Variants in CCSER1 observed in about 807,000 individuals in gnomAD.
CCSER1 encodes the protein serine-rich coiled-coil domain-containing protein 1.
In CCSER1, 41 loss-of-function variants were observed where a neutral mutation model predicts 82.0. The ratio of observed to expected loss-of-function variants is 0.50; its 90% CI spans 0.39 to 0.65. The LOEUF (loss-of-function observed/expected upper bound fraction) is 0.65, where lower values mean the gene tolerates loss of function less well. Ranked by LOEUF, CCSER1 falls within the 30% of genes least tolerant of loss-of-function variation. The pLI is 0.00. For synonymous variants in CCSER1, 414 were observed against 383.9 expected (o/e 1.08, Z -0.92); for missense variants, 1,119 against 1,064.2 (o/e 1.05, Z -0.72).
intron 9 of CCSER1, among the ~76,000 whole-genome samples, chr4:91,061,374 T>G (rs1241111401): frequency 6.6e-6 from 1 of 152,090 alleles, no homozygotes; most frequent in South Asian, 2.1e-4. Context: ...CTTAATCCGG[T>G]GGCTCCAGCT....
At chr4:90,470,769 A>AG (rs1764261385) in intron 5 of CCSER1, among the ~76,000 whole-genome samples, 1 of 151,054 alleles carries the variant, frequency 6.6e-6, no homozygotes, top group Non-Finnish European at 1.5e-5. Flanking sequence ...AAGCAAAAAA[A>AG]AAAAAAAAAA....
rs529660300 is a variant in CCSER1 at position 90,850,389 on chromosome 4, C to T, written c.2094+34544C>T. Among the ~76,000 whole-genome samples the T allele has an allele frequency of 6.2e-4, 95 of 152,250 alleles. 2 individuals carry two copies. Among genetic ancestry groups the T allele is most frequent in the African/African-American group, 2.0e-3 (85 of 41,556 alleles). On this transcript the variant is annotated intron_variant, in intron 8 of 10. Transcript: ENST00000509176. ...TCATAGATCCACCAACAGCTTGCAC[C>T]GTGCACCTGGAAAAGCTGCAAACAC...
rs1166982303 is a variant in CCSER1 at position 91,474,806 on chromosome 4, TATATATAC to T, written c.2218-123764_2218-123757del. The stretch of plus-strand genomic sequence containing the variant: ...ATTTGTGTATATATATATATATATA[TATATATAC>T]ACACACACACACACACACACACACA... On this transcript the variant is annotated intron_variant, in intron 10 of 10. Coordinates refer to ENST00000509176, the MANE Select transcript of CCSER1 (RefSeq NM_001145065.2). Among the ~76,000 whole-genome samples, 129 of 65,846 alleles carry T rather than the reference TATATATAC, an allele frequency of 2.0e-3. No homozygotes were observed. In the East Asian group the frequency reaches 0.056, roughly 29 times the overall value. 43.2% of individuals were successfully genotyped at this position (65,846 alleles called of 152,430 possible).
At chr4:91,209,644 G>A (rs1410644693) in intron 10 of CCSER1, among the ~76,000 whole-genome samples, 1 of 151,822 alleles carries the variant, frequency 6.6e-6, no homozygotes, top group Admixed American at 6.6e-5. Context: ...TCGCATCTAC[G>A]TTAATCAAGA....
chr4:91,492,399 A>T (rs1758596254), intron 10 of CCSER1, among the ~76,000 whole-genome samples: 1 of 152,146 alleles, frequency 6.6e-6, no homozygotes, highest in Non-Finnish European at 1.5e-5. Context: ...CTACAATTGT[A>T]TAAAGTGCTC....
At chr4:90,454,174 G>A (rs1407411564) in intron 4 of CCSER1, among the ~76,000 whole-genome samples, 1 of 151,556 alleles carries the variant, frequency 6.6e-6, no homozygotes, top group African/African-American at 2.4e-5. Flanking sequence ...GGACTCTGGG[G>A]TTTGTGAGCC....
At chr4:90,342,664 C>T (rs948762980) in intron 3 of CCSER1, among the ~76,000 whole-genome samples, 2 of 152,064 alleles carry the variant, frequency 1.3e-5, no homozygotes, top group Non-Finnish European at 2.9e-5. Flanking sequence ...CTCATTTTCC[C>T]GTAATAGTTA....
At chr4:90,276,230 CTTTCTTTCTTTCT>C (rs2153457349) in intron 1 of CCSER1, among the ~76,000 whole-genome samples, 1 of 106,336 alleles carries the variant, frequency 9.4e-6, no homozygotes, top group African/African-American at 3.8e-5. Context: ...TTCTTTCTTT[CTTTCTTTCTTTCT>C]TTCTTTCTTT....
intron 10 of CCSER1, among the ~76,000 whole-genome samples, chr4:91,098,543 A>ATTTTTTTTTTTTTTTTTT (rs1561547077): frequency 6.7e-6 from 1 of 149,442 alleles, no homozygotes; most frequent in Non-Finnish European, 1.5e-5. Flanking sequence ...CACTGGAGAT[A>ATTTTTTTTTTTTTTTTTT]ATTTTTTTTT....
At chr4:91,405,831 A>C (rs1248990697) in intron 10 of CCSER1, among the ~76,000 whole-genome samples, 1 of 152,152 alleles carries the variant, frequency 6.6e-6, no homozygotes, top group Non-Finnish European at 1.5e-5. Context: ...TTCCCAGGTG[A>C]GGCAATGCCC....
intron 1 of CCSER1, among the ~76,000 whole-genome samples, chr4:90,195,687 T>A (rs995713258): frequency 2.0e-5 from 3 of 152,090 alleles, no homozygotes; most frequent in Admixed American, 6.6e-5. Flanking sequence ...TTCTGTTCAA[T>A]TTTTTAGTGA....
At chr4:91,263,770 A>T (rs1384589048) in intron 10 of CCSER1, among the ~76,000 whole-genome samples, 1 of 151,994 alleles carries the variant, frequency 6.6e-6, no homozygotes, top group East Asian at 1.9e-4. Context: ...AATAATAATT[A>T]AAATTGGAAA....
chr4:91,574,404 C>CT (rs1481323608), intron 10 of CCSER1, among the ~76,000 whole-genome samples: 2 of 151,958 alleles, frequency 1.3e-5, no homozygotes, highest in African/African-American at 4.8e-5. Flanking sequence ...GGATATGTAT[C>CT]TAAAAAGAAA....
intron 5 of CCSER1, among the ~76,000 whole-genome samples, chr4:90,540,640 T>G (rs1775991568): frequency 6.6e-6 from 1 of 151,988 alleles, no homozygotes; most frequent in Admixed American, 6.6e-5. Context: ...ATTGATATAT[T>G]TGTATTAATT....
chr4:90,204,872 G>A (rs1226412006), intron 1 of CCSER1, among the ~76,000 whole-genome samples: 1 of 152,104 alleles, frequency 6.6e-6, no homozygotes, highest in Non-Finnish European at 1.5e-5. Flanking sequence ...ATTTCTTTGA[G>A]CAGAAGTTTG....
rs548593692 is a variant in CCSER1, at chr4:91,085,995, G to A, written c.2217+1G>A. The A allele has an allele frequency of 4.6e-6, 7 of 1,508,582 alleles. No homozygotes were observed. In the Admixed American group the frequency reaches 7.9e-5, roughly 17 times the overall value. The allele number at this position is 1,508,582 out of a possible 1,614,324, so 93.4% of individuals were successfully genotyped here. A position where few individuals can be genotyped will look rare whatever the true frequency, so the allele number is the denominator to read the frequency against. On this transcript the variant is annotated splice_donor_variant, in intron 10 of 10. Coordinates refer to ENST00000509176, the MANE Select transcript of CCSER1 (RefSeq NM_001145065.2). LOFTEE classifies it high-confidence loss of function. ...AGAGACAGTACAAGGAGGGAGAGAG[G>A]TAAGAATGTTTAAAGAAGAGGGGTG...
At chr4:91,541,036 T>C (rs1761566132) in intron 10 of CCSER1, among the ~76,000 whole-genome samples, 1 of 152,172 alleles carries the variant, frequency 6.6e-6, no homozygotes, top group Admixed American at 6.6e-5. Context: ...TATTTCACCT[T>C]ACTATATAAA....
At chr4:90,216,286 C>T (rs991377858) in intron 1 of CCSER1, among the ~76,000 whole-genome samples, 1 of 152,192 alleles carries the variant, frequency 6.6e-6, no homozygotes, top group African/African-American at 2.4e-5. Flanking sequence ...AAAAGCGCTT[C>T]ACTAGTTGCC....
At chr4:90,529,812 A>G (rs952903481) in intron 5 of CCSER1, among the ~76,000 whole-genome samples, 2 of 151,962 alleles carry the variant, frequency 1.3e-5, no homozygotes, top group African/African-American at 4.8e-5. Context: ...ATTACAAACT[A>G]CTACATGAGG....
Sources: gnomAD v4.1 joint callset for allele counts (sites outside exome capture counted in the v4.1 genomes callset) on GRCh38, gnomAD v4.1.1 for gene constraint, MANE v1.5 for transcripts, NCBI Gene and HGNC (gene_info 2026-07-23, HGNC 2026-07-21) for gene names.